Variants in ACTL8 observed in about 807,000 individuals in gnomAD.
ACTL8 encodes actin like 8.
A neutral mutation model predicts 9.3 loss-of-function variants in ACTL8; 3 were observed. The ratio of observed to expected loss-of-function variants is 0.32; its 90% CI spans 0.15 to 0.83. The LOEUF (loss-of-function observed/expected upper bound fraction) is 0.83, where lower values mean the gene tolerates loss of function less well. Ranked by LOEUF, ACTL8 falls within the 40% of genes least tolerant of loss-of-function variation. The probability of loss-of-function intolerance (pLI) is 0.57; values close to 1 mark genes in which losing one functional copy is unlikely to be tolerated. For synonymous variants in ACTL8, 224 were observed against 205.9 expected (o/e 1.09, Z -0.75); for missense variants, 381 against 492.2 (o/e 0.77, Z 2.14).
intron 1 of ACTL8, among the ~76,000 whole-genome samples, chr1:17,777,116 G>T (rs537699655): frequency 6.6e-6 from 1 of 151,168 alleles, no homozygotes; most frequent in South Asian, 2.1e-4. Context: ...GGTGTGAGCC[G>T]CAGAACCTGG....
intron 1 of ACTL8, among the ~76,000 whole-genome samples, chr1:17,805,850 C>G (rs2066356951): frequency 6.6e-6 from 1 of 152,208 alleles, no homozygotes. Flanking sequence ...AGCTGTAACT[C>G]TAACCCCACT....
intron 1 of ACTL8, among the ~76,000 whole-genome samples, chr1:17,766,341 G>T (rs1256921965): frequency 6.6e-6 from 1 of 152,126 alleles, no homozygotes; most frequent in African/African-American, 2.4e-5. Flanking sequence ...TGACTTAATC[G>T]GCAGAGAACT....
intron 1 of ACTL8, among the ~76,000 whole-genome samples, chr1:17,756,250 C>G (rs1039316564): frequency 1.3e-5 from 2 of 151,828 alleles, no homozygotes; most frequent in Admixed American, 6.6e-5. Flanking sequence ...TTCTTGGGAA[C>G]TTTTTTTTAA....
intron 1 of ACTL8, among the ~76,000 whole-genome samples, chr1:17,820,510 T>C (rs2053647996): frequency 6.6e-6 from 1 of 152,126 alleles, no homozygotes; most frequent in African/African-American, 2.4e-5. Context: ...CGTTTTCATT[T>C]CCCTTGAGTA....
Position 17,826,317 on chromosome 1 carries a change from G to A in ACTL8, c.899G>A (p.Gly300Asp). 1 of 1,613,270 alleles carries A rather than the reference G, an allele frequency of 6.2e-7. No homozygotes were observed. The highest frequency in any genetic ancestry group is 2.2e-5 in the East Asian group (1 of 44,840). The change falls in exon 3 of 3, where the codon GGC becomes GAC. Residue 300 changes from glycine (G) to aspartate (D), a missense_variant. Transcript: ENST00000375406. This position sits in a 1 kb window ranked among gnomAD's most constrained non-coding sequence, Gnocchi z 4.5. The part of the protein sequence containing the change: ...LLVSHVMACG[G>D]NTLYPGFTKR... ...GTCTCCCACGTGATGGCCTGCGGGGGCAACACCCTCTATCCCGGGTTCACA... is the reference window on the plus strand; with the variant it reads ...GTCTCCCACGTGATGGCCTGCGGGGACAACACCCTCTATCCCGGGTTCACA...
At position 17,826,563 on chromosome 1, in the gene ACTL8, ACGGG is replaced by A. The variant is rs775092081; in HGVS notation, c.*48_*51del. 1.3e-6 allele frequency: 2 copies of A among 1,483,198 alleles called. No homozygotes were observed. Among genetic ancestry groups the A allele is most frequent in the Non-Finnish European group, 1.8e-6 (2 of 1,112,040 alleles). 91.9% of individuals were successfully genotyped at this position (1,483,198 alleles called of 1,614,324 possible). ...GAGAATGGGCTCCTGTTAGATGGGC[ACGGG>A]CGGATTAATTTTAGCAAAATGTTCT... is the stretch of plus-strand genomic sequence containing the variant. On this transcript the variant is annotated 3_prime_UTR_variant, in exon 3 of 3. Transcript: ENST00000375406. The surrounding 1 kb of genome is among the most constrained non-coding windows in gnomAD (Gnocchi z 4.5).
At chr1:17,818,992 C>A (rs984589534) in intron 1 of ACTL8, among the ~76,000 whole-genome samples, 18 of 152,240 alleles carry the variant, frequency 1.2e-4, no homozygotes, top group African/African-American at 4.1e-4. Context: ...AAAGCTGGCT[C>A]CTTGGACCCA....
chr1:17,775,554 C>T (rs998433347), intron 1 of ACTL8, among the ~76,000 whole-genome samples: 2 of 152,216 alleles, frequency 1.3e-5, no homozygotes, highest in Non-Finnish European at 1.5e-5. Context: ...ACAAGGAAAC[C>T]ATCACAGGCC....
intron 1 of ACTL8, among the ~76,000 whole-genome samples, chr1:17,782,497 G>A (rs964311398): frequency 3.3e-5 from 5 of 152,122 alleles, no homozygotes; most frequent in East Asian, 1.9e-4. Context: ...AGATCGCCAC[G>A]GCGGCCACCT....
intron 1 of ACTL8, among the ~76,000 whole-genome samples, chr1:17,812,336 G>A (rs2066398380): frequency 6.6e-6 from 1 of 151,904 alleles, no homozygotes; most frequent in African/African-American, 2.4e-5. Context: ...ATTTTGATTA[G>A]GATTGAATCT....
At chr1:17,793,133 C>T (rs535677490) in intron 1 of ACTL8, among the ~76,000 whole-genome samples, 57 of 152,316 alleles carry the variant, frequency 3.7e-4, no homozygotes, top group Admixed American at 6.5e-4. Context: ...CAACAGATGC[C>T]GGCCTGGGAA....
intron 1 of ACTL8, among the ~76,000 whole-genome samples, chr1:17,821,779 A>G (rs1327718392): frequency 6.6e-6 from 1 of 152,022 alleles, no homozygotes; most frequent in Non-Finnish European, 1.5e-5. Flanking sequence ...CAGGCGCACT[A>G]CCACACCAGC....
At chr1:17,802,534 A>G (rs1745817) in intron 1 of ACTL8, among the ~76,000 whole-genome samples, 56 of 151,872 alleles carry the variant, frequency 3.7e-4, no homozygotes, top group Admixed American at 1.2e-3. Flanking sequence ...AGGAGTTACT[A>G]CCGCGGGTAA....
intron 1 of ACTL8, among the ~76,000 whole-genome samples, chr1:17,815,798 G>T (rs2066422758): frequency 6.6e-6 from 1 of 152,096 alleles, no homozygotes. Flanking sequence ...TGACATGAAT[G>T]TTAGATCTCT....
intron 1 of ACTL8, among the ~76,000 whole-genome samples, chr1:17,775,431 G>A (rs2066112288): frequency 6.6e-6 from 1 of 152,168 alleles, no homozygotes; most frequent in African/African-American, 2.4e-5. Flanking sequence ...GCACCGGGCT[G>A]GGGAGGTGGA....
chr1:17,785,207 G>A (rs1030461134), intron 1 of ACTL8, among the ~76,000 whole-genome samples: 2 of 152,148 alleles, frequency 1.3e-5, no homozygotes, highest in Non-Finnish European at 2.9e-5. Flanking sequence ...ATGATTGTTG[G>A]GCTACTTACT....
At chr1:17,765,550 A>G (rs1010183739) in intron 1 of ACTL8, among the ~76,000 whole-genome samples, 3 of 152,200 alleles carry the variant, frequency 2.0e-5, no homozygotes, top group Non-Finnish European at 4.4e-5. Flanking sequence ...GCCCCTCTCC[A>G]TGGCAGGCTA....
chr1:17,783,572 C>T (rs115039365), intron 1 of ACTL8, among the ~76,000 whole-genome samples: 270 of 152,282 alleles, frequency 1.8e-3, no homozygotes, highest in African/African-American at 6.1e-3. Flanking sequence ...TTCCTGCTGC[C>T]GTTTGGCTCT....
At chr1:17,776,105 A>G (rs1025248948) in intron 1 of ACTL8, among the ~76,000 whole-genome samples, 8 of 152,092 alleles carry the variant, frequency 5.3e-5, no homozygotes, top group Non-Finnish European at 1.0e-4. Context: ...TGCCTCCCCA[A>G]CCAAAACTTG....
Sources: gnomAD v4.1 joint callset for allele counts (sites outside exome capture counted in the v4.1 genomes callset) on GRCh38, gnomAD v4.1.1 for gene constraint, Gnocchi (gnomAD v3.1) non-coding constraint, MANE v1.5 for transcripts, NCBI Gene and HGNC (gene_info 2026-07-23, HGNC 2026-07-21) for gene names.